Variants in CRTAP observed in about 807,000 individuals in gnomAD.
CRTAP encodes cartilage associated protein.
Under a neutral mutation model 42.7 loss-of-function variants are expected in CRTAP, and 33 were observed. That is an observed-to-expected ratio of 0.77 (90% CI 0.59 to 1.03). CRTAP has a LOEUF of 1.03. Among genes scored for constraint, CRTAP ranks in the 50% least tolerant of loss-of-function variants. The probability of loss-of-function intolerance (pLI) is 0.00; values close to 1 mark genes in which losing one functional copy is unlikely to be tolerated. For missense variants in CRTAP, 613 were observed against 533.9 expected, an observed-to-expected ratio of 1.15 and a Z score of -1.46; for synonymous variants, 243 against 217.7, an observed-to-expected ratio of 1.12 and a Z score of -1.02.
chr3:33,124,652 G>C (rs2030009631), intron 3 of CRTAP, 73 bp downstream of exon 3: 2 of 1,569,950 alleles, frequency 1.3e-6, no homozygotes, highest in Admixed American at 3.3e-5. Flanking sequence ...CTGCCTGCAT[G>C]CCTGCTAGAT....
chr3:33,120,027 G>A (rs751037894), intron 1 of CRTAP, among the ~76,000 whole-genome samples: 5 of 152,148 alleles, frequency 3.3e-5, no homozygotes, highest in Non-Finnish European at 7.4e-5. Context: ...GCTCCTCATG[G>A]GTGAACCTCT....
At chr3:33,114,577 C>A in intron 1 of CRTAP, 29 bp downstream of exon 1, 1 of 1,550,152 alleles carries the variant, frequency 6.5e-7, no homozygotes, top group Non-Finnish European at 8.7e-7. Context: ...GTCCCAGGCC[C>A]CGGCCCCGCC....
intron 3 of CRTAP, among the ~76,000 whole-genome samples, chr3:33,127,338 G>A (rs1276163237): frequency 4.6e-5 from 7 of 152,028 alleles, no homozygotes; most frequent in African/African-American, 1.7e-4. Flanking sequence ...GAACTCTCAT[G>A]TACACCTTAC....
In CRTAP at chr3:33,142,535, T is replaced by C; in HGVS notation, c.*87T>C. ...CCCAACAGCCCAGGCTGTTGATACC[T>C]CAGAGCCTTCTCTTTACTCTCCAAA... On this transcript the variant is annotated 3_prime_UTR_variant, in exon 7 of 7. Coordinates refer to ENST00000320954, the MANE Select transcript of CRTAP (RefSeq NM_006371.5). 1 of 1,260,860 alleles carries C rather than the reference T, an allele frequency of 7.9e-7. No individual in the cohort carries two copies. Among genetic ancestry groups the C allele is most frequent in the Admixed American group, 1.7e-5 (1 of 58,592 alleles). The allele number at this position is 1,260,860 out of a possible 1,614,324, so 78.1% of individuals were successfully genotyped here. A position where few individuals can be genotyped will look rare whatever the true frequency, so the allele number is the denominator to read the frequency against.
chr3:33,115,094 C>G (rs1266236156), intron 1 of CRTAP, among the ~76,000 whole-genome samples: 1 of 152,072 alleles, frequency 6.6e-6, no homozygotes, highest in South Asian at 2.1e-4. Flanking sequence ...TAGGCGCGCG[C>G]CACCACACCT....
chr3:33,136,389 G>C (rs1309989156), intron 6 of CRTAP, among the ~76,000 whole-genome samples: 1 of 152,210 alleles, frequency 6.6e-6, no homozygotes, highest in Non-Finnish European at 1.5e-5. Flanking sequence ...TTGAACATAA[G>C]CTTTCCAGTT....
intron 1 of CRTAP, among the ~76,000 whole-genome samples, chr3:33,116,403 G>A (rs546295877): frequency 1.9e-4 from 29 of 152,140 alleles, no homozygotes; most frequent in Non-Finnish European, 3.4e-4. Flanking sequence ...TTGTCACCCA[G>A]ACTGGAATGC....
chr3:33,120,905 G>GA (rs1275774938), intron 2 of CRTAP, among the ~76,000 whole-genome samples: 1 of 152,198 alleles, frequency 6.6e-6, no homozygotes, highest in Non-Finnish European at 1.5e-5. Context: ...TATTAAGGTA[G>GA]AAAATGAAGA....
chr3:33,120,108 G>A (rs763251750), intron 1 of CRTAP, among the ~76,000 whole-genome samples: 3 of 152,220 alleles, frequency 2.0e-5, no homozygotes, highest in Non-Finnish European at 4.4e-5. Flanking sequence ...CATGTAGCCA[G>A]TGCAGAGTAG....
chr3:33,125,708 A>AT lies in CRTAP; in HGVS notation c.793+1132dup, dbSNP rs1182093906. On this transcript the variant is annotated intron_variant, in intron 3 of 6. Transcript: ENST00000320954. ...CGGATTCCAAATGCCATATTATTTC[A>AT]TTTGTAATATTTCAGTATATACCTT... Among the ~76,000 whole-genome samples, 22 of 152,076 alleles carry AT rather than the reference A, an allele frequency of 1.4e-4. No individual in the cohort carries two copies. The East Asian group carries it at 2.7e-3, about 19-fold the overall frequency.
intron 5 of CRTAP, 76 bp from the exon 6 acceptor site, chr3:33,134,106 A>G: frequency 1.0e-6 from 1 of 988,964 alleles, no homozygotes; most frequent in East Asian, 2.4e-5. Context: ...AAAACCCCAT[A>G]TCCTGTTCCT....
intron 1 of CRTAP, among the ~76,000 whole-genome samples, chr3:33,116,051 TG>T (rs937913671): frequency 4.6e-5 from 7 of 152,218 alleles, no homozygotes; most frequent in African/African-American, 1.4e-4. Flanking sequence ...ATTCTTTTTT[TG>T]TATAGCTTTT....
chr3:33,114,057 T>C lies in CRTAP; in HGVS notation c.-21T>C, dbSNP rs1467855806. On this transcript the variant is annotated 5_prime_UTR_variant, in exon 1 of 7. Coordinates refer to ENST00000320954, the MANE Select transcript of CRTAP (RefSeq NM_006371.5). ...CTTTTCCCTTCCTTCGTCCCTTCCT[T>C]CCTTCCTTTCGCCGGGCGCGATGGA... 1.4e-6 allele frequency: 2 copies of C among 1,451,662 alleles called. No homozygotes were observed. Among genetic ancestry groups the C allele is most frequent in the Non-Finnish European group, 1.8e-6 (2 of 1,106,418 alleles). 89.9% of individuals were successfully genotyped at this position (1,451,662 alleles called of 1,614,324 possible). A position where few individuals can be genotyped will look rare whatever the true frequency, so the allele number is the denominator to read the frequency against.
intron 2 of CRTAP, among the ~76,000 whole-genome samples, chr3:33,123,316 G>A (rs916656761): frequency 6.6e-6 from 1 of 152,182 alleles, no homozygotes; most frequent in Non-Finnish European, 1.5e-5. Context: ...GGTTGGAGGT[G>A]GGGCCTGGTG....
At chr3:33,114,613 C>A in intron 1 of CRTAP, 65 bp downstream of exon 1, 1 of 1,469,080 alleles carries the variant, frequency 6.8e-7, no homozygotes. Context: ...AGGCCCTAGC[C>A]CCGCCCCTGC....
intron 2 of CRTAP, among the ~76,000 whole-genome samples, chr3:33,121,955 C>A (rs574938661): frequency 6.6e-6 from 1 of 152,218 alleles, no homozygotes; most frequent in South Asian, 2.1e-4. Context: ...CTCATGCCTG[C>A]GCATGCCAAT....
intron 5 of CRTAP, among the ~76,000 whole-genome samples, chr3:33,133,767 C>T (rs536939929): frequency 1.3e-4 from 20 of 152,290 alleles, no homozygotes; most frequent in South Asian, 6.2e-4. Flanking sequence ...GTCTCTTTTG[C>T]GGATGGACCA....
At chr3:33,117,028 GC>G (rs1275232114) in intron 1 of CRTAP, among the ~76,000 whole-genome samples, 1 of 152,160 alleles carries the variant, frequency 6.6e-6, no homozygotes, top group East Asian at 1.9e-4. Context: ...GATCACTTGA[GC>G]CCAGAAAGTC....
In CRTAP at chr3:33,114,486, G is replaced by A. The variant is rs747496610; in HGVS notation, c.409G>A (p.Glu137Lys). Residue 137 changes from glutamate (E) to lysine (K), a missense_variant, in exon 1 of 7, where the codon GAG becomes AAG. Glu to Lys is a moderately conservative substitution (Grantham distance 56). Transcript: ENST00000320954. Reference sequence around the variant, plus strand: ...CTTCCGCCAGTCCCAGCCCAGCCGCGAGGTGCTGGCGGACTTCCAGCGCCG... The same window carrying A: ...CTTCCGCCAGTCCCAGCCCAGCCGCAAGGTGCTGGCGGACTTCCAGCGCCG... ...PAFRQSQPSREVLADFQRREP... is the reference protein window; with the variant it reads ...PAFRQSQPSRKVLADFQRREP... The A allele has an allele frequency of 3.7e-6, 6 of 1,603,494 alleles. No individual in the cohort carries two copies. The South Asian group carries it at 6.7e-5, about 18-fold the overall frequency.
Sources: allele counts gnomAD v4.1 joint callset (sites outside exome capture counted in the v4.1 genomes callset), GRCh38; gene constraint gnomAD v4.1.1; transcripts MANE v1.5; gene names NCBI Gene and HGNC (gene_info 2026-07-23, HGNC 2026-07-21).